The following AASDH variants were observed in gnomAD, a reference collection of about 807,000 sequenced individuals.
AASDH encodes aminoadipate-semialdehyde dehydrogenase, also known as beta-alanine-activating enzyme.
A neutral mutation model predicts 102.3 loss-of-function variants in AASDH; 81 were observed. The ratio of observed to expected loss-of-function variants is 0.79; its 90% CI spans 0.66 to 0.95. AASDH has a LOEUF of 0.95. Among genes scored for constraint, AASDH ranks in the 40% least tolerant of loss-of-function variants. AASDH has a pLI of 0.00. For missense variants in AASDH, 1,203 were observed against 1,266.2 expected, an observed-to-expected ratio of 0.95 and a Z score of 0.76; for synonymous variants, 398 against 454.0, an observed-to-expected ratio of 0.88 and a Z score of 1.57.
chr4:56,339,152 T>A (rs958413175), intron 14 of AASDH, among the ~76,000 whole-genome samples: 1 of 146,314 alleles, frequency 6.8e-6, no homozygotes, highest in African/African-American at 2.5e-5. Flanking sequence ...AATTTTTATT[T>A]ATTATTATTA....
Position 56,384,213 on chromosome 4 carries a change from A to T in AASDH, c.87T>A (p.Leu29=). The T allele has an allele frequency of 6.2e-7, 1 of 1,614,154 alleles. No individual in the cohort carries two copies. The highest frequency in any genetic ancestry group is 8.5e-7 in the Non-Finnish European group (1 of 1,180,010). ...AVCFDECNNQ[L]PVYYTYKTVV... ...CAGTCTTGTAGGTGTAGTAAACTGG[A>T]AGCTGGTTGTTGCATTCATCAAAAC... is the stretch of plus-strand genomic sequence containing the variant. Residue 29 remains leucine (L), a synonymous_variant, in exon 2 of 15, where the codon CTT becomes CTA. Coordinates refer to ENST00000205214, the MANE Select transcript of AASDH (RefSeq NM_181806.4).
chr4:56,343,822 T>G (rs1748000076), intron 12 of AASDH, 138 bp from the exon 13 acceptor site: 5 of 834,190 alleles, frequency 6.0e-6, no homozygotes, highest in Non-Finnish European at 8.8e-6. Context: ...CTGTGGAGAA[T>G]CAGATTAGTA....
intron 14 of AASDH, among the ~76,000 whole-genome samples, chr4:56,339,301 A>G (rs1403449407): frequency 1.3e-5 from 2 of 151,200 alleles, no homozygotes; most frequent in Non-Finnish European, 2.9e-5. Context: ...GCGTGCCACC[A>G]CACCCAGGTA....
intron 5 of AASDH, among the ~76,000 whole-genome samples, 171 bp from the exon 6 acceptor site, chr4:56,355,594 T>C (rs1749529147): frequency 5.8e-5 from 1 of 17,128 alleles, no homozygotes. Context: ...TATCTTCTTG[T>C]TTTTTTTTTT....
At chr4:56,345,098 T>C (rs769210648) in intron 12 of AASDH, 29 bp downstream of exon 12, 1 of 1,610,870 alleles carries the variant, frequency 6.2e-7, no homozygotes, top group Non-Finnish European at 8.5e-7. Flanking sequence ...TGCGCCACCA[T>C]GCCCAGCTAA....
intron 5 of AASDH, among the ~76,000 whole-genome samples, chr4:56,368,962 G>A (rs1349362677): frequency 1.3e-5 from 2 of 149,596 alleles, no homozygotes; most frequent in Non-Finnish European, 3.0e-5. Flanking sequence ...TTCAGAATAA[G>A]AAAAGGCACG....
At chr4:56,356,799 G>A in intron 5 of AASDH, 1 of 751,174 alleles carries the variant, frequency 1.3e-6, no homozygotes, top group Non-Finnish European at 2.4e-6. Context: ...AAGCTATTAG[G>A]ACCAATTACA....
chr4:56,353,263 G>T lies in AASDH; in HGVS notation c.1576+141C>A, dbSNP rs77533416. ...TTCTGAAGATAAAATGAATTAATTAGACAAAGCAGTCAAAAGAGGGTCTAT... is the reference window on the plus strand; with the variant it reads ...TTCTGAAGATAAAATGAATTAATTATACAAAGCAGTCAAAAGAGGGTCTAT... On this transcript the variant is annotated intron_variant, in intron 9 of 14. Coordinates refer to ENST00000205214, the MANE Select transcript of AASDH (RefSeq NM_181806.4). The T allele has an allele frequency of 5.2e-3, 3,335 of 639,748 alleles. 100 individuals are homozygous for T. The African/African-American group carries it at 0.056, about 11-fold the overall frequency. 39.6% of individuals were successfully genotyped at this position (639,748 alleles called of 1,614,324 possible).
chr4:56,367,083 A>T (rs1751107874), intron 5 of AASDH, among the ~76,000 whole-genome samples: 1 of 152,132 alleles, frequency 6.6e-6, no homozygotes. Context: ...AATAACAGAC[A>T]AACAGCCAAA....
Position 56,355,168 on chromosome 4 carries a change from A to G in AASDH, c.1103+14T>C. On this transcript the variant is annotated intron_variant, in intron 6 of 14. Transcript: ENST00000205214. ...CAGTCTCTCTTCTCTATATAGTACA[A>G]TGAAAACCCTTACTTGAGAGTAGAG... is the stretch of plus-strand genomic sequence containing the variant. 6.2e-7 allele frequency: 1 copy of G among 1,612,252 alleles called. No individual in the cohort carries two copies. Among genetic ancestry groups the G allele is most frequent in the Non-Finnish European group, 8.5e-7 (1 of 1,179,488 alleles).
intron 5 of AASDH, 47 bp downstream of exon 5, chr4:56,371,404 A>C: frequency 1.3e-6 from 2 of 1,524,064 alleles, no homozygotes; most frequent in Non-Finnish European, 1.8e-6. Flanking sequence ...AAACACTTAA[A>C]ATATTGAAAA....
chr4:56,353,095 G>A (rs968198703), intron 9 of AASDH, among the ~76,000 whole-genome samples: 1 of 150,794 alleles, frequency 6.6e-6, no homozygotes, highest in Non-Finnish European at 1.5e-5. Flanking sequence ...TCAAACTCTC[G>A]GCCTCAAGCA....
At chr4:56,382,334 C>T in intron 3 of AASDH, 143 bp downstream of exon 3, 1 of 796,772 alleles carries the variant, frequency 1.3e-6, no homozygotes. Flanking sequence ...AACAATTACT[C>T]AACCCTAAAA....
At chr4:56,359,285 C>T (rs964214705) in intron 5 of AASDH, among the ~76,000 whole-genome samples, 8 of 152,010 alleles carry the variant, frequency 5.3e-5, no homozygotes, top group Non-Finnish European at 1.0e-4. Flanking sequence ...GTTGCCCAGG[C>T]TGAAGTGCAG....
intron 5 of AASDH, among the ~76,000 whole-genome samples, chr4:56,368,195 C>T (rs963957694): frequency 9.9e-5 from 15 of 152,184 alleles, no homozygotes; most frequent in African/African-American, 2.6e-4. Flanking sequence ...GTTAGAATGG[C>T]GATCATTAAA....
chr4:56,338,801 G>GTAA lies in AASDH; in HGVS notation c.2908-13_2908-11dup, dbSNP rs1560557069. 2.5e-6 allele frequency: 4 copies of GTAA among 1,608,668 alleles called. No homozygotes were observed. In the Admixed American group the frequency reaches 6.7e-5, roughly 27 times the overall value. On this transcript the variant is annotated splice_polypyrimidine_tract_variant and intron_variant, in intron 14 of 14. Coordinates refer to ENST00000205214, the MANE Select transcript of AASDH (RefSeq NM_181806.4). ...TAGAGAACTGCCAAACCTATAACAA[G>GTAA]TAATAAAAATAAATATAATTCATTC...
chr4:56,381,560 G>A (rs1331071484), intron 3 of AASDH, among the ~76,000 whole-genome samples: 1 of 151,126 alleles, frequency 6.6e-6, no homozygotes, highest in Non-Finnish European at 1.5e-5. Context: ...ACTTCAGCCT[G>A]GGTAACAGAG....
At chr4:56,365,878 A>G (rs1750932912) in intron 5 of AASDH, among the ~76,000 whole-genome samples, 1 of 152,226 alleles carries the variant, frequency 6.6e-6, no homozygotes, top group Non-Finnish European at 1.5e-5. Flanking sequence ...TCAGAGCAGA[A>G]CTGAAGGAAA....
Position 56,345,205 on chromosome 4 carries a change from G to A in AASDH, c.2574C>T (p.Ser858=), listed in dbSNP as rs187591675. 1.2e-6 allele frequency: 2 copies of A among 1,614,020 alleles called. No homozygotes were observed. The highest frequency in any genetic ancestry group is 1.7e-5 in the Admixed American group (1 of 60,010). Residue 858 remains serine, a synonymous_variant, in exon 12 of 15, where the codon AGC becomes AGT. Transcript: ENST00000205214. The stretch of plus-strand genomic sequence containing the variant: ...CTGTGGTTGGATCCATGGTTGCCGA[G>A]CTTTTGACAGCATCTTCAGTAGTAA... ...WMFTTEDAVK[S]SATMDPTTGL...
Sources: gnomAD v4.1 joint callset for allele counts (sites outside exome capture counted in the v4.1 genomes callset) on GRCh38, gnomAD v4.1.1 for gene constraint, MANE v1.5 for transcripts, NCBI Gene and HGNC (gene_info 2026-07-23, HGNC 2026-07-21) for gene names.